PREP: variants seen among roughly 807,000 people sequenced by gnomAD.
PREP encodes the protein dJ355L5.1 (prolyl endopeptidase).
In PREP, 29 loss-of-function variants were observed where a neutral mutation model predicts 87.6. The observed-to-expected ratio is 0.33, with a 90% CI of 0.25 to 0.45. The LOEUF (loss-of-function observed/expected upper bound fraction) is 0.45, where lower values mean the gene tolerates loss of function less well. Among genes scored for constraint, PREP ranks in the 20% least tolerant of loss-of-function variants. The pLI is 1.00. For synonymous variants in PREP, 337 were observed against 328.6 expected, an observed-to-expected ratio of 1.03 and a Z score of -0.28; for missense variants, 695 against 886.5, an observed-to-expected ratio of 0.78 and a Z score of 2.74.
chr6:105,380,368 G>C (rs890847803), intron 2 of PREP, among the ~76,000 whole-genome samples: 4 of 152,202 alleles, frequency 2.6e-5, no homozygotes, highest in Non-Finnish European at 5.9e-5. Flanking sequence ...AGCTACAGCA[G>C]GCGGCACCTG....
intron 5 of PREP, among the ~76,000 whole-genome samples, chr6:105,372,215 A>T (rs1369784188): frequency 2.0e-5 from 3 of 152,094 alleles, no homozygotes; most frequent in Non-Finnish European, 4.4e-5. Context: ...GGGGAAAAAA[A>T]AAAACAGAAA....
rs549488150 is a variant in PREP at position 105,344,840 on chromosome 6, T to TA, written c.823+8131dup. Among the ~76,000 whole-genome samples the TA allele has an allele frequency of 5.0e-3, 760 of 151,576 alleles. 10 individuals are homozygous for TA. The highest frequency in any genetic ancestry group is 0.017 in the African/African-American group (708 of 41,362). ...ACTGAAAGTATAATTTAATAAAAAG[T>TA]AAAAAAAAATCATTCAAGCTCCAAT... On this transcript the variant is annotated intron_variant, in intron 7 of 14. Transcript: ENST00000652536.
At chr6:105,389,963 G>A (rs1263936804) in intron 2 of PREP, among the ~76,000 whole-genome samples, 1 of 152,184 alleles carries the variant, frequency 6.6e-6, no homozygotes, top group Non-Finnish European at 1.5e-5. Context: ...TGGGAAAGCA[G>A]ACGTTTTCCT....
chr6:105,328,558 C>G (rs1222931111), intron 9 of PREP, among the ~76,000 whole-genome samples: 1 of 152,054 alleles, frequency 6.6e-6, no homozygotes, highest in Non-Finnish European at 1.5e-5. Flanking sequence ...CCCATTGGTA[C>G]TAATTTTTAA....
intron 12 of PREP, among the ~76,000 whole-genome samples, 159 bp downstream of exon 12, chr6:105,285,327 G>A (rs773537273): frequency 2.6e-5 from 4 of 152,182 alleles, no homozygotes; most frequent in African/African-American, 4.8e-5. Context: ...TTTTTAAGGG[G>A]GGAGTGGTGC....
At chr6:105,390,978 G>A (rs1773127550) in intron 2 of PREP, among the ~76,000 whole-genome samples, 3 of 151,656 alleles carry the variant, frequency 2.0e-5, no homozygotes, top group South Asian at 4.2e-4. Flanking sequence ...CCCTGGACAT[G>A]AGGCCCATCT....
chr6:105,309,217 G>A (rs1254630699), intron 10 of PREP, among the ~76,000 whole-genome samples: 1 of 152,108 alleles, frequency 6.6e-6, no homozygotes, highest in Non-Finnish European at 1.5e-5. Context: ...TATTTATTAA[G>A]TAGCCACTTT....
chr6:105,294,961 T>C (rs1770376207), intron 10 of PREP, among the ~76,000 whole-genome samples: 2 of 152,194 alleles, frequency 1.3e-5, no homozygotes, highest in Admixed American at 6.5e-5. Context: ...GGAACTCCTC[T>C]AATTCTGACC....
chr6:105,282,494 C>G lies in PREP; in HGVS notation c.1638G>C (p.Lys546Asn), dbSNP rs1167455307. Residue 546 changes from lysine (K) to asparagine (N), a missense_variant, in exon 13 of 15, where the codon AAG becomes AAC. By Grantham distance (94) the Lys-to-Asn change is moderately conservative. Coordinates refer to ENST00000652536, the MANE Select transcript of PREP (RefSeq NM_002726.5). Reference protein sequence around the residue: ...YLIKEGYTSPKRLTINGGSNG... With the variant: ...YLIKEGYTSPNRLTINGGSNG... The stretch of plus-strand genomic sequence containing the variant: ...TTGAACCTCCATTAATAGTCAGCCT[C>G]TTGGGAGATGTGTAACCTTCCTTGA... The G allele has an allele frequency of 1.2e-6, 2 of 1,614,050 alleles. No individual in the cohort carries two copies. The highest frequency in any genetic ancestry group is 2.7e-5 in the African/African-American group (2 of 74,932).
chr6:105,396,507 T>G (rs1773288282), intron 2 of PREP, among the ~76,000 whole-genome samples: 1 of 152,192 alleles, frequency 6.6e-6, no homozygotes. Context: ...TCCATCCCTT[T>G]CCTTGTCCCA....
rs1554203338 is a variant in PREP, at chr6:105,277,592, A to ACAAACATTCTATGAC, written c.*537_*551dup. ...GATGAACAACTTATTTTCAAAGCTAACAAACATTCTATGACTTAACTGCTT... is the reference window on the plus strand; with the variant it reads ...GATGAACAACTTATTTTCAAAGCTAACAAACATTCTATGACCAAACATTCTATGACTTAACTGCTT... On this transcript the variant is annotated 3_prime_UTR_variant, in exon 15 of 15. Transcript: ENST00000652536. 1 of 153,934 alleles carries ACAAACATTCTATGAC rather than the reference A, an allele frequency of 6.5e-6. No homozygotes were observed. Among genetic ancestry groups the ACAAACATTCTATGAC allele is most frequent in the Non-Finnish European group, 1.4e-5 (1 of 69,206 alleles). The allele number at this position is 153,934 out of a possible 1,614,324, so 9.5% of individuals were successfully genotyped here.
intron 7 of PREP, among the ~76,000 whole-genome samples, chr6:105,338,041 A>G (rs1264026965): frequency 2.0e-5 from 3 of 152,260 alleles, no homozygotes; most frequent in African/African-American, 4.8e-5. Flanking sequence ...CAATTTAAGT[A>G]AAATACTAGC....
At chr6:105,321,425 T>TGG (rs1354323153) in intron 10 of PREP, among the ~76,000 whole-genome samples, 8 of 152,220 alleles carry the variant, frequency 5.3e-5, no homozygotes, top group Admixed American at 5.2e-4. Flanking sequence ...CACAGGCACC[T>TGG]GGCAGCGCCG....
At chr6:105,387,327 T>C (rs1198395171) in intron 2 of PREP, among the ~76,000 whole-genome samples, 1 of 152,328 alleles carries the variant, frequency 6.6e-6, no homozygotes, top group East Asian at 1.9e-4. Context: ...GATGCCAGCA[T>C]TTTTCACTGA....
In PREP at chr6:105,319,452, T is replaced by C. The variant is rs76005592; in HGVS notation, c.1317+4213A>G. Reference sequence around the variant, plus strand: ...CATTTTGCAAGAAGAAAAGCCAATCTCTAGCTGGCTGAACAATGATGAAAC... The same window carrying C: ...CATTTTGCAAGAAGAAAAGCCAATCCCTAGCTGGCTGAACAATGATGAAAC... On this transcript the variant is annotated intron_variant, in intron 10 of 14. Coordinates refer to ENST00000652536, the MANE Select transcript of PREP (RefSeq NM_002726.5). 7.8e-3 allele frequency among the ~76,000 whole-genome samples: 1,183 copies of C among 152,316 alleles called. 15 individuals are homozygous for C. The highest frequency in any genetic ancestry group is 0.027 in the African/African-American group (1,127 of 41,572).
At chr6:105,288,024 G>A (rs930158867) in intron 11 of PREP, among the ~76,000 whole-genome samples, 2 of 152,186 alleles carry the variant, frequency 1.3e-5, no homozygotes, top group South Asian at 4.1e-4. Flanking sequence ...ATGGCTGAAC[G>A]TTAAGACAGT....
intron 6 of PREP, among the ~76,000 whole-genome samples, chr6:105,363,025 C>A (rs1772295035): frequency 6.6e-6 from 1 of 152,132 alleles, no homozygotes; most frequent in Non-Finnish European, 1.5e-5. Flanking sequence ...AGTCAAGCAT[C>A]AGGCAACACA....
At position 105,361,844 on chromosome 6, in the gene PREP, T is replaced by C. The variant is rs79096521; in HGVS notation, c.717+7059A>G. 6.8e-3 allele frequency among the ~76,000 whole-genome samples: 1,041 copies of C among 152,280 alleles called. 9 individuals are homozygous for C. The highest frequency in any genetic ancestry group is 0.023 in the African/African-American group (964 of 41,538). ...TCATATATGAAACTCATTTATGGAT[T>C]TGTAATAAAAATAAGGGGCAATGCC... On this transcript the variant is annotated intron_variant, in intron 6 of 14. Transcript: ENST00000652536.
chr6:105,355,166 A>G (rs1332551783), intron 6 of PREP, among the ~76,000 whole-genome samples: 1 of 151,100 alleles, frequency 6.6e-6, no homozygotes, highest in Non-Finnish European at 1.5e-5. Context: ...CCAACCTGCA[A>G]TCTCTGCCTC....
Sources: gnomAD v4.1 joint callset for allele counts (sites outside exome capture counted in the v4.1 genomes callset) on GRCh38, gnomAD v4.1.1 for gene constraint, MANE v1.5 for transcripts, NCBI Gene and HGNC (gene_info 2026-07-23, HGNC 2026-07-21) for gene names.